The following LINGO2 variants were observed in gnomAD, a reference collection of about 807,000 sequenced individuals.
The protein encoded by LINGO2 is leucine rich repeat and Ig domain containing 2, also known as leucine-rich repeat and immunoglobulin-like domain-containing nogo receptor-interacting protein 2.
In LINGO2, 14 loss-of-function variants were observed where a neutral mutation model predicts 30.6. The observed-to-expected ratio is 0.46, with a 90% confidence interval of 0.30 to 0.72. LINGO2 has a LOEUF of 0.72. Among genes scored for constraint, LINGO2 ranks in the 30% least tolerant of loss-of-function variants. LINGO2 has a pLI of 0.07. For synonymous variants in LINGO2, 317 were observed against 288.5 expected (o/e 1.10, Z -1.00); for missense variants, 729 against 751.7 (o/e 0.97, Z 0.35).
intron 3 of LINGO2, among the ~76,000 whole-genome samples, chr9:28,305,895 A>C (rs189796371): frequency 1.9e-3 from 285 of 152,156 alleles, no homozygotes; most frequent in Admixed American, 3.5e-3. Flanking sequence ...TAAGAGATAC[A>C]CTTGACTCTG....
At chr9:28,757,824 A>G in the LINGO2 span, among the ~76,000 whole-genome samples, 1 of 152,036 alleles carries the variant, frequency 6.6e-6, no homozygotes, top group South Asian at 2.1e-4. Context: ...CAAGACCTCT[A>G]AACTCTCCAG....
chr9:27,958,808 A>G (rs1229931550), intron 5 of LINGO2, among the ~76,000 whole-genome samples: 1 of 152,162 alleles, frequency 6.6e-6, no homozygotes, highest in Non-Finnish European at 1.5e-5. Context: ...AAAGCCAGTT[A>G]GAAAGTGTTC....
At chr9:28,207,976 G>C (rs1211792888) in intron 4 of LINGO2, among the ~76,000 whole-genome samples, 1 of 151,872 alleles carries the variant, frequency 6.6e-6, no homozygotes, top group Non-Finnish European at 1.5e-5. Context: ...GAAATTCAAA[G>C]TCTGCTTTTT....
rs10527878 is a variant in LINGO2, at chr9:28,664,996, CATATATATATATATATATATAT to C, written c.-365+5182_-365+5203del. Among the ~76,000 whole-genome samples, 515 of 96,266 alleles carry C rather than the reference CATATATATATATATATATATAT, an allele frequency of 5.3e-3. 4 individuals carry two copies. Among genetic ancestry groups the C allele is most frequent in the African/African-American group, 0.015 (459 of 31,202 alleles). The allele number at this position is 96,266 out of a possible 152,430, so 63.2% of individuals were successfully genotyped here. On this transcript the variant is annotated intron_variant, in intron 1 of 5. Transcript: ENST00000379992. ...TCTGTATTATTTATGTATGTGTTTA[CATATATATATATATATATATAT>C]ATATATATATATATATATATGTTAT...
At chr9:28,735,286 T>C in the LINGO2 span, among the ~76,000 whole-genome samples, 1 of 152,172 alleles carries the variant, frequency 6.6e-6, no homozygotes, top group African/African-American at 2.4e-5. Flanking sequence ...GTCTAGCACA[T>C]AGCCATTTAT....
At chr9:28,489,360 G>C (rs1826294243) in intron 1 of LINGO2, among the ~76,000 whole-genome samples, 3 of 152,090 alleles carry the variant, frequency 2.0e-5, no homozygotes, top group Admixed American at 2.0e-4. Context: ...AGTAGATACA[G>C]GGTTTCGCCA....
At chr9:28,867,616 C>A in the LINGO2 span, among the ~76,000 whole-genome samples, 1 of 152,098 alleles carries the variant, frequency 6.6e-6, no homozygotes, top group Admixed American at 6.6e-5. Flanking sequence ...TTATCAAGCA[C>A]CCATAAAGCA....
chr9:29,090,265 G>C, the LINGO2 span, among the ~76,000 whole-genome samples: 1 of 151,706 alleles, frequency 6.6e-6, no homozygotes. Context: ...CATCTCATCT[G>C]TCCTCAAGTG....
At chr9:28,684,175 C>CTTTTTCTT in the LINGO2 span, among the ~76,000 whole-genome samples, 7 of 45,426 alleles carry the variant, frequency 1.5e-4, no homozygotes, top group Non-Finnish European at 2.6e-4. Flanking sequence ...AAATGTTTAT[C>CTTTTTCTT]TTTTTTTTTT....
chr9:28,391,880 C>G (rs768450770), intron 2 of LINGO2, among the ~76,000 whole-genome samples: 1 of 152,134 alleles, frequency 6.6e-6, no homozygotes, highest in Non-Finnish European at 1.5e-5. Flanking sequence ...TAAGAAAACC[C>G]TATTTTATGC....
rs141615411 is a variant in LINGO2, at chr9:28,029,765, A to G, written c.-86-17360T>C. On this transcript the variant is annotated intron_variant, in intron 4 of 5. Coordinates refer to ENST00000379992, the Ensembl canonical transcript of LINGO2. ...TCATAGGGTGCTGATATTATATAAA[A>G]TAACATGTGGGAAGTTCTTAGAATA... 1.9e-3 allele frequency among the ~76,000 whole-genome samples: 284 copies of G among 152,294 alleles called. 2 individuals are homozygous for G. Among genetic ancestry groups the G allele is most frequent in the Middle Eastern group, 0.014 (4 of 294 alleles).
intron 3 of LINGO2, among the ~76,000 whole-genome samples, chr9:28,304,259 T>C (rs559744611): frequency 1.3e-5 from 2 of 150,394 alleles, no homozygotes; most frequent in African/African-American, 2.4e-5. Context: ...TATATATATA[T>C]ATAAAATGTA....
At chr9:27,975,073 A>G (rs915474163) in intron 5 of LINGO2, among the ~76,000 whole-genome samples, 2 of 152,116 alleles carry the variant, frequency 1.3e-5, no homozygotes, top group Non-Finnish European at 2.9e-5. Context: ...GTGAGGACCT[A>G]GAGGCATTTT....
At chr9:28,969,541 C>T in the LINGO2 span, among the ~76,000 whole-genome samples, 2 of 152,114 alleles carry the variant, frequency 1.3e-5, no homozygotes, top group African/African-American at 4.8e-5. Context: ...ACGACTTTGG[C>T]TTCTGTTTGA....
At chr9:29,116,310 T>A in the LINGO2 span, among the ~76,000 whole-genome samples, 1 of 152,028 alleles carries the variant, frequency 6.6e-6, no homozygotes, top group African/African-American at 2.4e-5. Flanking sequence ...AGATTTATTA[T>A]CACTAATTTT....
At chr9:28,132,772 C>A (rs919762631) in intron 4 of LINGO2, among the ~76,000 whole-genome samples, 2 of 152,176 alleles carry the variant, frequency 1.3e-5, no homozygotes, top group African/African-American at 4.8e-5. Context: ...ATTAAGGTCC[C>A]AGAGCATTTT....
the LINGO2 span, among the ~76,000 whole-genome samples, chr9:28,846,312 G>T: frequency 6.6e-6 from 1 of 151,596 alleles, no homozygotes; most frequent in Admixed American, 6.6e-5. Context: ...CTTCTGCCCT[G>T]TTCGAGCCCA....
chr9:28,197,013 T>C (rs1440519283), intron 4 of LINGO2, among the ~76,000 whole-genome samples: 1 of 151,928 alleles, frequency 6.6e-6, no homozygotes, highest in Non-Finnish European at 1.5e-5. Flanking sequence ...TTAACAATAA[T>C]TTACTGTATA....
intron 1 of LINGO2, among the ~76,000 whole-genome samples, chr9:28,509,151 T>C (rs1376933035): frequency 2.0e-5 from 3 of 152,198 alleles, no homozygotes; most frequent in Admixed American, 1.3e-4. Context: ...TTTTTAACTT[T>C]AGGCTCTTTT....
Sources: gnomAD v4.1 joint callset for allele counts (sites outside exome capture counted in the v4.1 genomes callset) on GRCh38, gnomAD v4.1.1 for gene constraint, MANE v1.5 for transcripts, NCBI Gene and HGNC (gene_info 2026-07-23, HGNC 2026-07-21) for gene names.